MYO19: variants seen among roughly 807,000 people sequenced by gnomAD.
MYO19 encodes myosin XIX, also known as unconventional myosin-XIX.
In MYO19, 132 loss-of-function variants were observed where a neutral mutation model predicts 129.2. The observed-to-expected ratio is 1.02, with a 90% confidence interval of 0.89 to 1.18. The LOEUF is 1.18. Among genes scored for constraint, MYO19 ranks in the 50% most tolerant of loss-of-function variants. The probability of loss-of-function intolerance (pLI) is 0.00; values close to 1 mark genes in which losing one functional copy is unlikely to be tolerated. For synonymous variants in MYO19, 531 were observed against 477.2 expected (o/e 1.11, Z -1.47); for missense variants, 1,210 against 1,216.7 (o/e 0.99, Z 0.08).
chr17:36,544,061 A>G (rs144937351), upstream of MYO19, among the ~76,000 whole-genome samples: 5 of 152,352 alleles, frequency 3.3e-5, no homozygotes, highest in African/African-American at 1.2e-4. Context: ...TCAGAACTGA[A>G]CACACGGTGG....
chr17:36,531,583 C>A (rs1000548411), intron 3 of MYO19, among the ~76,000 whole-genome samples: 2 of 151,482 alleles, frequency 1.3e-5, no homozygotes, highest in African/African-American at 4.9e-5. Flanking sequence ...TATTGATATA[C>A]CTTTTTTTTA....
chr17:36,495,745 G>GCATT lies in MYO19; in HGVS notation c.*505_*506insAATG. ...GTCAGTGTTAATAAAATCAAAACGT[G>GCATT]ATTCTACTGTACATTGCATTATTCA... On this transcript the variant is annotated 3_prime_UTR_variant, in exon 26 of 26. Transcript: ENST00000614623. 8.0e-7 allele frequency: 1 copy of GCATT among 1,245,698 alleles called. No individual in the cohort carries two copies. Among genetic ancestry groups the GCATT allele is most frequent in the Non-Finnish European group, 1.0e-6 (1 of 996,206 alleles). The allele number at this position is 1,245,698 out of a possible 1,614,324, so 77.2% of individuals were successfully genotyped here.
intron 6 of MYO19, among the ~76,000 whole-genome samples, chr17:36,524,587 G>A (rs1443391493): frequency 7.2e-5 from 11 of 152,168 alleles, no homozygotes; most frequent in Admixed American, 7.2e-4. Context: ...AGAAGGCCAC[G>A]TGGCCATACC....
At chr17:36,524,239 TTTG>T (rs997050678) in intron 6 of MYO19, among the ~76,000 whole-genome samples, 174 of 152,300 alleles carry the variant, frequency 1.1e-3, no homozygotes, top group African/African-American at 4.1e-3. Flanking sequence ...ACTTACTGTC[TTTG>T]TTTTCTTATC....
chr17:36,510,895 C>T lies in MYO19; in HGVS notation c.1008G>A (p.Ser336=), dbSNP rs767776571. ...GCACGTCCTCTGGGAGCCCCAGCAGCGAGGCTGCCGTCCTGACAGAGTCTG... is the reference window on the plus strand; with the variant it reads ...GCACGTCCTCTGGGAGCCCCAGCAGTGAGGCTGCCGTCCTGACAGAGTCTG... The part of the protein sequence containing the change: ...DAKYSVRTAA[S]LLGLPEDVLL... The change falls in exon 13 of 26, where the codon TCG becomes TCA. Residue 336 remains serine (S), a synonymous_variant. Transcript: ENST00000614623. The T allele has an allele frequency of 2.0e-5, 32 of 1,579,300 alleles. No individual in the cohort carries two copies. In the Middle Eastern group the frequency reaches 6.6e-4, roughly 33 times the overall value.
chr17:36,495,804 C>T lies in MYO19; in HGVS notation c.*447G>A. 2 of 1,240,286 alleles carry T rather than the reference C, an allele frequency of 1.6e-6. No individual in the cohort carries two copies. Among genetic ancestry groups the T allele is most frequent in the Non-Finnish European group, 2.0e-6 (2 of 992,532 alleles). 76.8% of individuals were successfully genotyped at this position (1,240,286 alleles called of 1,614,324 possible). A position where few individuals can be genotyped will look rare whatever the true frequency, so the allele number is the denominator to read the frequency against. On this transcript the variant is annotated 3_prime_UTR_variant, in exon 26 of 26. Transcript: ENST00000614623. ...TTGTTTGAAATTACATTAAATAAAT[C>T]AACTAATTAAATACTAAAGTTTTGT...
intron 25 of MYO19, 111 bp downstream of exon 25, chr17:36,498,155 G>A: frequency 1.6e-6 from 2 of 1,246,246 alleles, no homozygotes; most frequent in South Asian, 1.4e-5. Context: ...ACCCAGTAGG[G>A]TTAGGGATGG....
At chr17:36,540,385 T>G (rs1328957257) in intron 2 of MYO19, among the ~76,000 whole-genome samples, 2 of 151,304 alleles carry the variant, frequency 1.3e-5, no homozygotes, top group African/African-American at 2.4e-5. Flanking sequence ...TTTTTTTTTT[T>G]TTTGAGATGG....
Position 36,507,091 on chromosome 17 carries a change from T to TTG in MYO19, c.1515_1516insCA (p.Ile506GlnfsTer51). ...GGGCTGCCTGCCAGGGCAGTCTCAA[T>TTG]GCGTGTCTGGAGCTGGGCTGCGCTG... On this transcript the variant is annotated frameshift_variant, in exon 17 of 26. Transcript: ENST00000614623. LOFTEE classifies it high-confidence loss of function. 2 of 1,613,144 alleles carry TTG rather than the reference T, an allele frequency of 1.2e-6. No homozygotes were observed. The highest frequency in any genetic ancestry group is 4.5e-5 in the East Asian group (2 of 44,820).
Position 36,498,510 on chromosome 17 carries a change from T to C in MYO19, c.2513A>G (p.Lys838Arg), listed in dbSNP as rs759422518. The change falls in exon 25 of 26, where the codon AAA (lysine) becomes AGA (arginine). Residue 838 changes from lysine (K) to arginine (R), a missense_variant. Physicochemically the swap from Lys to Arg is conservative, Grantham distance 26. Transcript: ENST00000614623. ...GGAACAGGGAGCTTGAGAGAAGTGT[T>C]TTTCTTCCACACCATCCAGCTCTTT... ...AAKELDGVEE[K>R]HFSQAPCSLS... is the part of the protein sequence containing the mutation. The C allele has an allele frequency of 6.2e-7, 1 of 1,613,892 alleles. No individual in the cohort carries two copies. The highest frequency in any genetic ancestry group is 8.5e-7 in the Non-Finnish European group (1 of 1,179,886).
At chr17:36,512,238 A>ACACACACAC (rs1555575833) in intron 11 of MYO19, among the ~76,000 whole-genome samples, 3 of 99,540 alleles carry the variant, frequency 3.0e-5, no homozygotes, top group African/African-American at 1.5e-4. Flanking sequence ...CACACACACA[A>ACACACACAC]AATTAGCTGG....
Position 36,498,557 on chromosome 17 carries a change from G to A in MYO19, c.2466C>T (p.Ile822=), listed in dbSNP as rs1227027302. ...VIKRAWQKWR[I]RMACLAAKEL... ...CTTTAGCAGCAAGGCAGGCCATTCT[G>A]ATCTTAAAAAGCAAATATCCCTTTA... The change falls in exon 25 of 26, where the codon ATC becomes ATT. Residue 822 remains isoleucine, a splice_region_variant and synonymous_variant. Coordinates refer to ENST00000614623, the MANE Select transcript of MYO19 (RefSeq NM_001163735.2). 1 of 1,606,438 alleles carries A rather than the reference G, an allele frequency of 6.2e-7. No individual in the cohort carries two copies. The highest frequency in any genetic ancestry group is 1.1e-5 in the South Asian group (1 of 90,918).
At position 36,518,527 on chromosome 17, in the gene MYO19, AAT is replaced by A. The variant is rs1555581707; in HGVS notation, c.415-2539_415-2538del. Among the ~76,000 whole-genome samples, 391 of 41,456 alleles carry A rather than the reference AAT, an allele frequency of 9.4e-3. 10 individuals carry two copies. Among genetic ancestry groups the A allele is most frequent in the African/African-American group, 0.03 (276 of 9,162 alleles). The allele number at this position is 41,456 out of a possible 152,430, so 27.2% of individuals were successfully genotyped here. ...AAAAAAAAAAAAAAAAAAAAAAAAA[AAT>A]ATATATATATATATATATATATATG... is the stretch of plus-strand genomic sequence containing the variant. On this transcript the variant is annotated intron_variant, in intron 6 of 25. Transcript: ENST00000614623.
chr17:36,505,045 T>C, intron 19 of MYO19: 2 of 701,440 alleles, frequency 2.9e-6, no homozygotes, highest in Non-Finnish European at 5.3e-6. Flanking sequence ...CAGTCTCTCA[T>C]CAGGGTACAT....
intron 3 of MYO19, among the ~76,000 whole-genome samples, chr17:36,530,907 C>T (rs1311748251): frequency 6.6e-6 from 1 of 152,102 alleles, no homozygotes; most frequent in East Asian, 1.9e-4. Context: ...AGGCATGAGC[C>T]ACCGTGCCTG....
Position 36,502,817 on chromosome 17 carries a change from A to G in MYO19, c.2080+280T>C, listed in dbSNP as rs56125229. 875 of 503,688 alleles carry G rather than the reference A, an allele frequency of 1.7e-3. 12 individuals are homozygous for G. The highest frequency in any genetic ancestry group is 0.016 in the African/African-American group (822 of 51,888). 31.2% of individuals were successfully genotyped at this position (503,688 alleles called of 1,614,324 possible). On this transcript the variant is annotated intron_variant, in intron 21 of 25. Coordinates refer to ENST00000614623, the MANE Select transcript of MYO19 (RefSeq NM_001163735.2). ...ATTACATTTATCATGTGGACCACCCATCACCTGGCTAATCCAATTTATTCT... is the reference window on the plus strand; with the variant it reads ...ATTACATTTATCATGTGGACCACCCGTCACCTGGCTAATCCAATTTATTCT...
intron 3 of MYO19, 103 bp downstream of exon 3, chr17:36,532,424 G>GA: frequency 3.6e-6 from 5 of 1,390,226 alleles, no homozygotes; most frequent in Non-Finnish European, 4.0e-6. Context: ...TTTGAGGAGA[G>GA]AAAAGAGACC....
At chr17:36,508,233 T>C (rs1005518553) in intron 14 of MYO19, 1 of 246,514 alleles carries the variant, frequency 4.1e-6, no homozygotes, top group Admixed American at 5.1e-5. Flanking sequence ...GATAGGCACC[T>C]CCTATGAGGA....
chr17:36,500,275 T>C (rs1326671581), intron 23 of MYO19: 1 of 152,504 alleles, frequency 6.6e-6, no homozygotes, highest in East Asian at 1.9e-4. Context: ...TGGTTCTCCA[T>C]TAAATTTATA....
Sources: allele counts gnomAD v4.1 joint callset (sites outside exome capture counted in the v4.1 genomes callset), GRCh38; gene constraint gnomAD v4.1.1; transcripts MANE v1.5; gene names NCBI Gene and HGNC (gene_info 2026-07-23, HGNC 2026-07-21).